The following PIK3C2G variants were observed in gnomAD, a reference collection of about 807,000 sequenced individuals.
The protein encoded by PIK3C2G is phosphatidylinositol-4-phosphate 3-kinase catalytic subunit type 2 gamma.
Under a neutral mutation model 181.1 loss-of-function variants are expected in PIK3C2G, and 168 were observed. That is an observed-to-expected ratio of 0.93 (90% confidence interval 0.82 to 1.05). PIK3C2G has a LOEUF of 1.05. PIK3C2G is among the 50% of genes least tolerant of loss of function. The probability of loss-of-function intolerance (pLI) is 0.00; values close to 1 mark genes in which losing one functional copy is unlikely to be tolerated. For synonymous variants in PIK3C2G, 573 were observed against 592.2 expected, an observed-to-expected ratio of 0.97 and a Z score of 0.47; for missense variants, 1,869 against 1,732.8, an observed-to-expected ratio of 1.08 and a Z score of -1.40.
intron 11 of PIK3C2G, among the ~76,000 whole-genome samples, chr12:18,347,810 T>C (rs917407816): frequency 6.6e-6 from 1 of 151,370 alleles, no homozygotes; most frequent in Non-Finnish European, 1.5e-5. Flanking sequence ...AGAGTGAGAC[T>C]CTGTCTCAAA....
At chr12:18,259,348 G>T (rs1172987948), upstream of PIK3C2G, among the ~76,000 whole-genome samples, 2 of 152,024 alleles carry the variant, frequency 1.3e-5, no homozygotes, top group Non-Finnish European at 2.9e-5. Flanking sequence ...CCAGCTTCGG[G>T]GTCTGGGTCA....
chr12:18,476,930 A>T (rs776167865), intron 18 of PIK3C2G, among the ~76,000 whole-genome samples: 8 of 152,112 alleles, frequency 5.3e-5, no homozygotes, highest in Non-Finnish European at 1.2e-4. Context: ...TTCCTAGAAT[A>T]CCACAGATTG....
the PIK3C2G span, chr12:18,723,662 G>T: frequency 1.2e-6 from 1 of 842,398 alleles, no homozygotes; most frequent in Non-Finnish European, 1.9e-6. Flanking sequence ...AATTACATTG[G>T]ATTCTTATTG....
intron 11 of PIK3C2G, among the ~76,000 whole-genome samples, chr12:18,350,417 A>G (rs1312770562): frequency 1.1e-4 from 16 of 152,172 alleles, no homozygotes; most frequent in Non-Finnish European, 4.4e-5. Flanking sequence ...TATGTAATAA[A>G]GTATATCTGT....
At chr12:18,544,909 A>C (rs1047328006) in intron 25 of PIK3C2G, among the ~76,000 whole-genome samples, 4 of 151,846 alleles carry the variant, frequency 2.6e-5, no homozygotes, top group Non-Finnish European at 5.9e-5. Flanking sequence ...TACTTCCTAC[A>C]TTTATTTAAA....
chr12:18,645,793 A>G (rs893876268), intron 32 of PIK3C2G, among the ~76,000 whole-genome samples: 2 of 152,198 alleles, frequency 1.3e-5, no homozygotes, highest in African/African-American at 4.8e-5. Flanking sequence ...ATTCATGAAA[A>G]TATAAATTAT....
At chr12:18,527,066 A>T (rs1293957925) in intron 24 of PIK3C2G, among the ~76,000 whole-genome samples, 1 of 152,134 alleles carries the variant, frequency 6.6e-6, no homozygotes, top group African/African-American at 2.4e-5. Flanking sequence ...AAAAGAACAA[A>T]GGAAGGATCC....
At chr12:18,685,239 CT>C in the PIK3C2G span, among the ~76,000 whole-genome samples, 1 of 152,004 alleles carries the variant, frequency 6.6e-6, no homozygotes, top group Non-Finnish European at 1.5e-5. Flanking sequence ...GAATTTCAAT[CT>C]CTAAGAAAAT....
chr12:18,434,367 C>A (rs977151400), intron 18 of PIK3C2G, among the ~76,000 whole-genome samples: 1 of 152,066 alleles, frequency 6.6e-6, no homozygotes, highest in Non-Finnish European at 1.5e-5. Context: ...ACCATTACAT[C>A]CCCTAAATTT....
At chr12:18,707,837 T>C in the PIK3C2G span, among the ~76,000 whole-genome samples, 14 of 152,176 alleles carry the variant, frequency 9.2e-5, no homozygotes, top group Admixed American at 6.6e-4. Flanking sequence ...CAAAGCCTTG[T>C]TTAAAATCTC....
At chr12:18,470,057 T>C (rs1938311003) in intron 18 of PIK3C2G, among the ~76,000 whole-genome samples, 1 of 152,112 alleles carries the variant, frequency 6.6e-6, no homozygotes, top group Non-Finnish European at 1.5e-5. Context: ...TTTGCTATTA[T>C]ATCTCCTCTT....
At chr12:18,585,499 C>A (rs975417957) in intron 29 of PIK3C2G, among the ~76,000 whole-genome samples, 1 of 152,002 alleles carries the variant, frequency 6.6e-6, no homozygotes, top group African/African-American at 2.4e-5. Flanking sequence ...GAAGACTTAA[C>A]TATCCTAAAC....
At chr12:18,530,894 A>T (rs571941811) in intron 24 of PIK3C2G, among the ~76,000 whole-genome samples, 31 of 151,258 alleles carry the variant, frequency 2.0e-4, no homozygotes, top group Non-Finnish European at 4.0e-4. Context: ...AGTCAATTAA[A>T]CCTCTTTTCT....
chr12:18,362,803 T>C lies in PIK3C2G; in HGVS notation c.1665T>C (p.Ala555=). ...CTTTTACCTGTTGGCTTACATATGCTGGAAAGAAGCTGTGCCAAGTGAGAA... is the reference window on the plus strand; with the variant it reads ...CTTTTACCTGTTGGCTTACATATGCCGGAAAGAAGCTGTGCCAAGTGAGAA... ...AFSFTCWLTY[A]GKKLCQVRNY... Residue 555 remains alanine (A), a synonymous_variant, in exon 12 of 33, where the codon GCT becomes GCC. Transcript: ENST00000538779. 2 of 1,524,868 alleles carry C rather than the reference T, an allele frequency of 1.3e-6. No individual in the cohort carries two copies. The highest frequency in any genetic ancestry group is 1.8e-6 in the Non-Finnish European group (2 of 1,142,460). The allele number at this position is 1,524,868 out of a possible 1,614,324, so 94.5% of individuals were successfully genotyped here.
At position 18,281,523 on chromosome 12, in the gene PIK3C2G, T is replaced by G. The variant is rs182314133; in HGVS notation, c.-78-481T>G. 5.4e-3 allele frequency among the ~76,000 whole-genome samples: 817 copies of G among 150,948 alleles called. 5 individuals carry two copies. Among genetic ancestry groups the G allele is most frequent in the African/African-American group, 0.019 (782 of 41,508 alleles). On this transcript the variant is annotated intron_variant, in intron 1 of 32. Transcript: ENST00000538779. Reference sequence around the variant, plus strand: ...GGCTCTGCAATTATTTCGAGTTTTTTGGGGGAAAAAAAGTTTAGCTAACCA... The same window carrying G: ...GGCTCTGCAATTATTTCGAGTTTTTGGGGGGAAAAAAAGTTTAGCTAACCA...
At chr12:18,492,783 G>A (rs567674417) in intron 20 of PIK3C2G, among the ~76,000 whole-genome samples, 2 of 152,146 alleles carry the variant, frequency 1.3e-5, no homozygotes, top group African/African-American at 4.8e-5. Context: ...TTACATATAA[G>A]TTTGGCATGT....
At chr12:18,424,228 A>C (rs1187154550) in intron 18 of PIK3C2G, among the ~76,000 whole-genome samples, 189 bp downstream of exon 18, 3 of 152,214 alleles carry the variant, frequency 2.0e-5, no homozygotes, top group Non-Finnish European at 2.9e-5. Flanking sequence ...AAAATCTACC[A>C]GTTGGACAGT....
intron 24 of PIK3C2G, among the ~76,000 whole-genome samples, chr12:18,522,632 A>G (rs1942993107): frequency 6.6e-6 from 1 of 151,384 alleles, no homozygotes; most frequent in African/African-American, 2.4e-5. Context: ...ATTGAATGTG[A>G]TATCTTCTTT....
At chr12:18,705,498 A>G in the PIK3C2G span, among the ~76,000 whole-genome samples, 2 of 152,214 alleles carry the variant, frequency 1.3e-5, no homozygotes, top group African/African-American at 4.8e-5. Flanking sequence ...AAATCTGCAT[A>G]AAAAGAAATG....
Sources: gnomAD v4.1 joint callset for allele counts (sites outside exome capture counted in the v4.1 genomes callset) on GRCh38, gnomAD v4.1.1 for gene constraint, MANE v1.5 for transcripts, NCBI Gene and HGNC (gene_info 2026-07-23, HGNC 2026-07-21) for gene names.